CTSK: variants seen among roughly 807,000 people sequenced by gnomAD.
CTSK encodes the protein cathepsin O.
CTSK carries 26 observed loss-of-function variants against 40.5 expected under a neutral mutation model. The ratio of observed to expected loss-of-function variants is 0.64; its 90% CI spans 0.47 to 0.89. CTSK has a LOEUF of 0.89. Among genes scored for constraint, CTSK ranks in the 40% least tolerant of loss-of-function variants. The pLI is 0.00. For synonymous variants in CTSK, 132 were observed against 143.2 expected, an observed-to-expected ratio of 0.92 and a Z score of 0.56; for missense variants, 292 against 400.1, an observed-to-expected ratio of 0.73 and a Z score of 2.30.
chr1:150,799,400 C>G (rs1208434559), intron 6 of CTSK, 127 bp from the exon 7 acceptor site: 1 of 1,192,082 alleles, frequency 8.4e-7, no homozygotes, highest in Non-Finnish European at 1.3e-6. Flanking sequence ...AGATGCTGCT[C>G]CATACTGCAG....
At position 150,806,112 on chromosome 1, in the gene CTSK, A is replaced by G. The variant is rs1363942512; in HGVS notation, c.233T>C (p.Leu78Pro). The change falls in exon 3 of 8, where the codon CTG becomes CCG. Residue 78 changes from leucine (L) to proline (P), a missense_variant. By Grantham distance (98) the Leu-to-Pro change is moderately conservative. Transcript: ENST00000271651. Reference protein sequence around the residue: ...VHTYELAMNHLGDMTSEEVVQ... With the variant: ...VHTYELAMNHPGDMTSEEVVQ... The stretch of plus-strand genomic sequence containing the variant: ...TGAAGCTATACTTGCCATGTCCCCC[A>G]GGTGGTTCATAGCCAGTTCATATGT... 1 of 1,614,218 alleles carries G rather than the reference A, an allele frequency of 6.2e-7. No individual in the cohort carries two copies. The highest frequency in any genetic ancestry group is 2.2e-5 in the East Asian group (1 of 44,888).
rs766065317 is a variant in CTSK at position 150,805,885 on chromosome 1, T to C, written c.375A>G (p.Gly125=). Residue 125 remains glycine, a synonymous_variant, in exon 4 of 8, where the codon GGA becomes GGG. Transcript: ENST00000271651. ...APDSVDYRKK[G]YVTPVKNQGQ... ...CCTGATTTTTGACAGGAGTAACATA[T>C]CCTTTCTTTCGATAGTCGACAGAGT... 18 of 1,613,980 alleles carry C rather than the reference T, an allele frequency of 1.1e-5. No homozygotes were observed. The highest frequency in any genetic ancestry group is 2.2e-5 in the South Asian group (2 of 91,084).
At position 150,806,624 on chromosome 1, in the gene CTSK, G is replaced by C. The variant is rs1478215155; in HGVS notation, c.120+62C>G. Reference sequence around the variant, plus strand: ...TTGGATTGAAGAAGGGAGTCTGGAAGCTAAGATGAGAGAGCTCAGGTCTCA... The same window carrying C: ...TTGGATTGAAGAAGGGAGTCTGGAACCTAAGATGAGAGAGCTCAGGTCTCA... On this transcript the variant is annotated intron_variant, in intron 2 of 7. Transcript: ENST00000271651. 1.1e-5 allele frequency: 17 copies of C among 1,608,756 alleles called. 1 individual carries two copies. The South Asian group carries it at 1.9e-4, about 18-fold the overall frequency.
intron 2 of CTSK, 74 bp from the exon 3 acceptor site, chr1:150,806,298 G>C: frequency 6.5e-7 from 1 of 1,530,298 alleles, no homozygotes; most frequent in Non-Finnish European, 9.0e-7. Context: ...GGTTTTAGGA[G>C]AATAAAGGAA....
intron 5 of CTSK, among the ~76,000 whole-genome samples, chr1:150,800,002 C>T (rs1220323518): frequency 6.6e-6 from 1 of 151,938 alleles, no homozygotes; most frequent in Non-Finnish European, 1.5e-5. Flanking sequence ...CGAGACCATC[C>T]TGGCTAACAC....
chr1:150,803,582 AC>A (rs1415411115), intron 5 of CTSK, among the ~76,000 whole-genome samples: 3 of 152,160 alleles, frequency 2.0e-5, no homozygotes, highest in Non-Finnish European at 4.4e-5. Context: ...ATATGAAGCA[AC>A]TTGTTTTTTC....
chr1:150,804,029 CA>C lies in CTSK; in HGVS notation c.609del (p.Tyr203Ter), dbSNP rs2101951417. Reference sequence around the variant, plus strand: ...GTGTGGAGCAATCTCACCTGTCCCACATATGGGTAGGCATCTTCAGAGTCAA... The same window carrying C: ...GTGTGGAGCAATCTCACCTGTCCCACTATGGGTAGGCATCTTCAGAGTCAA... ...RGIDSEDAYP[Y>X]VGQEESCMYN... On this transcript the variant is annotated frameshift_variant, in exon 5 of 8. Transcript: ENST00000271651. LOFTEE classifies it high-confidence loss of function. The C allele has an allele frequency of 6.2e-7, 1 of 1,614,034 alleles. No individual in the cohort carries two copies. Among genetic ancestry groups the C allele is most frequent in the Non-Finnish European group, 8.5e-7 (1 of 1,179,920 alleles).
In CTSK at chr1:150,806,023, CAAA is replaced by C. The variant is rs774922287; in HGVS notation, c.244-10_244-8del. The C allele has an allele frequency of 1.3e-4, 209 of 1,614,108 alleles. 1 individual carries two copies. The East Asian group carries it at 3.6e-3, about 28-fold the overall frequency. On this transcript the variant is annotated splice_region_variant and splice_polypyrimidine_tract_variant and intron_variant, in intron 3 of 7. Transcript: ENST00000271651. Reference sequence around the variant, plus strand: ...GAACCACCTCTTCACTGGTCTAAGACAAAGAAGAAAGAGGCCAGGCATCAGCAG... The same window carrying C: ...GAACCACCTCTTCACTGGTCTAAGACGAAGAAAGAGGCCAGGCATCAGCAG...
intron 7 of CTSK, among the ~76,000 whole-genome samples, chr1:150,798,562 C>T (rs1052438899): frequency 1.3e-5 from 2 of 152,164 alleles, no homozygotes; most frequent in African/African-American, 2.4e-5. Context: ...GAGCATCTGC[C>T]CAGCACATAA....
intron 4 of CTSK, among the ~76,000 whole-genome samples, chr1:150,805,009 T>C (rs1345308267): frequency 6.6e-6 from 1 of 151,862 alleles, no homozygotes; most frequent in Non-Finnish European, 1.5e-5. Flanking sequence ...CCCAGGAATT[T>C]GAGACCAGCC....
At chr1:150,805,209 C>CAAA (rs587691920) in intron 4 of CTSK, among the ~76,000 whole-genome samples, 1 of 54,680 alleles carries the variant, frequency 1.8e-5, no homozygotes, top group Non-Finnish European at 4.0e-5. Context: ...GACGCTGTCT[C>CAAA]AAAAAAAAAA....
Position 150,806,028 on chromosome 1 carries a change from A to G in CTSK, c.244-12T>C. On this transcript the variant is annotated splice_polypyrimidine_tract_variant and intron_variant, in intron 3 of 7. Coordinates refer to ENST00000271651, the MANE Select transcript of CTSK (RefSeq NM_000396.4). ...ACCTCTTCACTGGTCTAAGACAAAG[A>G]AGAAAGAGGCCAGGCATCAGCAGGG... 1 of 1,614,242 alleles carries G rather than the reference A, an allele frequency of 6.2e-7. No homozygotes were observed.
In CTSK at chr1:150,799,179, T is replaced by C. The variant is rs767837525; in HGVS notation, c.879A>G (p.Ile293Met). ...YGIQKGNKHWIIKNSWGENWG... is the reference protein window; with the variant it reads ...YGIQKGNKHWMIKNSWGENWG... ...GTTCCCATCATTACCTGTTTTTAAT[T>C]ATCCAGTGCTTGTTTCCCTTCTGGA... is the stretch of plus-strand genomic sequence containing the variant. The change falls in exon 7 of 8, where the codon ATA becomes ATG. Residue 293 changes from isoleucine to methionine, a missense_variant. Ile to Met is a conservative substitution (Grantham distance 10, BLOSUM62 1). Transcript: ENST00000271651. 1.2e-6 allele frequency: 2 copies of C among 1,604,998 alleles called. No homozygotes were observed. Among genetic ancestry groups the C allele is most frequent in the Non-Finnish European group, 8.5e-7 (1 of 1,171,562 alleles).
intron 4 of CTSK, 29 bp downstream of exon 4, chr1:150,805,832 A>G: frequency 6.2e-7 from 1 of 1,613,192 alleles, no homozygotes; most frequent in South Asian, 1.1e-5. Context: ...GCCAGATTAC[A>G]TATGCACACC....
rs1654080052 is a variant in CTSK at position 150,805,881 on chromosome 1, C to T, written c.379G>A (p.Val127Ile). 6.2e-7 allele frequency: 1 copy of T among 1,613,982 alleles called. No individual in the cohort carries two copies. The highest frequency in any genetic ancestry group is 1.3e-5 in the African/African-American group (1 of 74,894). ...DSVDYRKKGY[V>I]TPVKNQGQCG... Reference sequence around the variant, plus strand: ...AGTACCTGATTTTTGACAGGAGTAACATATCCTTTCTTTCGATAGTCGACA... The same window carrying T: ...AGTACCTGATTTTTGACAGGAGTAATATATCCTTTCTTTCGATAGTCGACA... The change falls in exon 4 of 8, where the codon GTT becomes ATT. Residue 127 changes from valine (V) to isoleucine (I), a missense_variant. Coordinates refer to ENST00000271651, the MANE Select transcript of CTSK (RefSeq NM_000396.4).
intron 2 of CTSK, 129 bp downstream of exon 2, chr1:150,806,557 A>G (rs1571127892): frequency 8.3e-7 from 1 of 1,202,740 alleles, no homozygotes; most frequent in Non-Finnish European, 1.2e-6. Context: ...GTATGTTAAC[A>G]TGAGTTAGGG....
At chr1:150,801,253 G>A (rs903813933) in intron 5 of CTSK, among the ~76,000 whole-genome samples, 2 of 151,308 alleles carry the variant, frequency 1.3e-5, no homozygotes, top group Non-Finnish European at 2.9e-5. Flanking sequence ...CAGCCTGCTG[G>A]GATTACAAGC....
intron 2 of CTSK, 92 bp from the exon 3 acceptor site, chr1:150,806,316 A>G: frequency 6.9e-7 from 1 of 1,451,060 alleles, no homozygotes; most frequent in South Asian, 1.2e-5. Context: ...GAAACTCACA[A>G]TCATAAAAGT....
At position 150,799,695 on chromosome 1, in the gene CTSK, C is replaced by T. The variant is rs201800918; in HGVS notation, c.633G>A (p.Met211Ile). Reference protein sequence around the residue: ...YPYVGQEESCMYNPTGKAAKC... With the variant: ...YPYVGQEESCIYNPTGKAAKC... ...TAGCTGCCTTGCCTGTTGGGTTGTA[C>T]ATACAACTCTCTTCCTGGAAGAAAC... Residue 211 changes from methionine (M) to isoleucine (I), a missense_variant, in exon 6 of 8, where the codon ATG (methionine) becomes ATA (isoleucine). Transcript: ENST00000271651. 5.6e-6 allele frequency: 9 copies of T among 1,614,102 alleles called. No individual in the cohort carries two copies. The East Asian group carries it at 1.8e-4, about 32-fold the overall frequency.
Sources: gnomAD v4.1 joint callset for allele counts (sites outside exome capture counted in the v4.1 genomes callset) on GRCh38, gnomAD v4.1.1 for gene constraint, MANE v1.5 for transcripts, NCBI Gene and HGNC (gene_info 2026-07-23, HGNC 2026-07-21) for gene names.